SYNPO2: variants seen among roughly 807,000 people sequenced by gnomAD.
SYNPO2 encodes the protein synaptopodin 2, also known as synaptopodin-2.
In SYNPO2, 56 loss-of-function variants were observed where a neutral mutation model predicts 85.0. That is an observed-to-expected ratio of 0.66 (90% confidence interval 0.53 to 0.82). The LOEUF (loss-of-function observed/expected upper bound fraction) is 0.82, where lower values mean the gene tolerates loss of function less well. SYNPO2 is among the 40% of genes least tolerant of loss of function. The probability of loss-of-function intolerance (pLI) is 0.00; values close to 1 mark genes in which losing one functional copy is unlikely to be tolerated. For missense variants in SYNPO2, 1,575 were observed against 1,534.2 expected (o/e 1.03, Z -0.44); for synonymous variants, 602 against 591.1 (o/e 1.02, Z -0.27).
intron 4 of SYNPO2, chr4:119,036,481 G>A (rs879737451): frequency 2.0e-6 from 2 of 985,404 alleles, no homozygotes; most frequent in Non-Finnish European, 2.4e-6. Flanking sequence ...AAGCAGAATT[G>A]AATTCTTCTC....
intron 1 of SYNPO2, among the ~76,000 whole-genome samples, chr4:118,940,260 T>C (rs559118933): frequency 1.5e-4 from 23 of 152,268 alleles, no homozygotes; most frequent in Admixed American, 5.2e-4. Flanking sequence ...GTGGTGGGAT[T>C]ACAGGTGTGA....
At chr4:118,930,937 AT>A in intron 1 of SYNPO2, among the ~76,000 whole-genome samples, 2 of 141,622 alleles carry the variant, frequency 1.4e-5, no homozygotes, top group African/African-American at 2.6e-5. Context: ...AAAAAAAAAA[AT>A]GGTAAGTATC....
At chr4:118,926,162 TG>T (rs1360519174) in intron 1 of SYNPO2, among the ~76,000 whole-genome samples, 1 of 152,082 alleles carries the variant, frequency 6.6e-6, no homozygotes, top group African/African-American at 2.4e-5. Context: ...AGAACGCAAC[TG>T]GGGATTATAG....
At chr4:119,051,732 T>C (rs1739057757) in intron 4 of SYNPO2, among the ~76,000 whole-genome samples, 1 of 152,200 alleles carries the variant, frequency 6.6e-6, no homozygotes. Flanking sequence ...GGGAGCTTTG[T>C]ACTGTACTGA....
intron 1 of SYNPO2, among the ~76,000 whole-genome samples, chr4:119,003,994 C>G (rs77950804): frequency 0.017 from 2,619 of 152,172 alleles, 69 homozygotes; most frequent in African/African-American, 0.06. Flanking sequence ...GGTAAATAAA[C>G]GATATTTACA....
intron 1 of SYNPO2, among the ~76,000 whole-genome samples, chr4:118,903,249 A>G (rs1236829673): frequency 3.9e-5 from 6 of 152,216 alleles, no homozygotes; most frequent in Non-Finnish European, 8.8e-5. Context: ...TTATATGGAA[A>G]TTCACTTAAT....
At chr4:118,887,912 A>G (rs1050305773), upstream of SYNPO2, among the ~76,000 whole-genome samples, 2 of 152,186 alleles carry the variant, frequency 1.3e-5, no homozygotes, top group Non-Finnish European at 2.9e-5. Flanking sequence ...GTATGTTTTT[A>G]TGTGGATGAA....
intron 1 of SYNPO2, among the ~76,000 whole-genome samples, chr4:118,975,487 G>A (rs1735688977): frequency 6.6e-6 from 1 of 152,158 alleles, no homozygotes; most frequent in African/African-American, 2.4e-5. Context: ...ACACAGACAG[G>A]ACTTGGGATA....
intron 1 of SYNPO2, among the ~76,000 whole-genome samples, chr4:118,894,802 A>G (rs1482379303): frequency 6.6e-6 from 1 of 152,078 alleles, no homozygotes; most frequent in Non-Finnish European, 1.5e-5. Context: ...TAATAGCAAA[A>G]AGCATCCCAG....
intron 1 of SYNPO2, among the ~76,000 whole-genome samples, chr4:118,894,487 C>G (rs552202344): frequency 1.3e-5 from 2 of 151,994 alleles, no homozygotes; most frequent in African/African-American, 4.8e-5. Flanking sequence ...TCTTCTCCAT[C>G]CGTGGACTTG....
At chr4:118,946,612 T>C (rs540622564) in intron 1 of SYNPO2, among the ~76,000 whole-genome samples, 1 of 152,358 alleles carries the variant, frequency 6.6e-6, no homozygotes, top group African/African-American at 2.4e-5. Context: ...AAATATAACA[T>C]GAAAGCAGTA....
intron 1 of SYNPO2, among the ~76,000 whole-genome samples, chr4:118,878,750 A>T (rs2149109320): frequency 6.6e-6 from 1 of 152,280 alleles, no homozygotes; most frequent in East Asian, 1.9e-4. Context: ...ACCAATCAGC[A>T]CTCTGTAAAA....
At chr4:118,853,406 A>G (rs1731453428) in intron 1 of SYNPO2, among the ~76,000 whole-genome samples, 1 of 152,176 alleles carries the variant, frequency 6.6e-6, no homozygotes, top group African/African-American at 2.4e-5. Context: ...TTAAATAAGT[A>G]GTATTAAGCA....
chr4:118,999,905 C>T lies in SYNPO2; in HGVS notation c.106-23525C>T, dbSNP rs74813532. Among the ~76,000 whole-genome samples, 1,471 of 152,290 alleles carry T rather than the reference C, an allele frequency of 9.7e-3. 31 individuals carry two copies. Among genetic ancestry groups the T allele is most frequent in the African/African-American group, 0.032 (1,336 of 41,558 alleles). ...TTGAAGTAGAGATGTTCAATACCAC[C>T]GTGTATTTGCCCAAGAAGTCATTTG... On this transcript the variant is annotated intron_variant, in intron 1 of 4. Coordinates refer to ENST00000307142, the MANE Select transcript of SYNPO2 (RefSeq NM_133477.3).
intron 1 of SYNPO2, among the ~76,000 whole-genome samples, chr4:118,921,411 AC>A (rs1733529669): frequency 6.6e-6 from 1 of 152,154 alleles, no homozygotes; most frequent in African/African-American, 2.4e-5. Context: ...AGCCAGGCTG[AC>A]GTATCTAGAA....
chr4:119,050,332 CAA>C (rs796535345), intron 4 of SYNPO2, among the ~76,000 whole-genome samples: 2 of 134,444 alleles, frequency 1.5e-5, no homozygotes, highest in South Asian at 2.4e-4. Flanking sequence ...GATTCTGTCT[CAA>C]AAAAAAAAAA....
chr4:119,010,364 T>C (rs1361407111), intron 1 of SYNPO2, among the ~76,000 whole-genome samples: 1 of 152,188 alleles, frequency 6.6e-6, no homozygotes, highest in Non-Finnish European at 1.5e-5. Context: ...GTACTTCTTA[T>C]GTGGCAGCGG....
At chr4:119,051,418 C>G (rs979300017) in intron 4 of SYNPO2, among the ~76,000 whole-genome samples, 6 of 151,518 alleles carry the variant, frequency 4.0e-5, no homozygotes, top group Admixed American at 3.9e-4. Flanking sequence ...GTCTCGATCT[C>G]CTGACCTCGT....
intron 1 of SYNPO2, among the ~76,000 whole-genome samples, chr4:118,912,691 A>C (rs1733182768): frequency 6.6e-6 from 1 of 152,196 alleles, no homozygotes; most frequent in Non-Finnish European, 1.5e-5. Context: ...TAGCTAGAAC[A>C]GTACATGCAA....
Sources: gnomAD v4.1 joint callset for allele counts (sites outside exome capture counted in the v4.1 genomes callset) on GRCh38, gnomAD v4.1.1 for gene constraint, MANE v1.5 for transcripts, NCBI Gene and HGNC (gene_info 2026-07-23, HGNC 2026-07-21) for gene names.